Variants in PTPRT observed in about 807,000 individuals in gnomAD.
PTPRT encodes the protein receptor-type tyrosine-protein phosphatase T.
A neutral mutation model predicts 176.8 loss-of-function variants in PTPRT; 56 were observed. The observed-to-expected ratio is 0.32, with a 90% confidence interval of 0.26 to 0.40. PTPRT has a LOEUF of 0.40. Ranked by LOEUF, PTPRT falls within the 10% of genes least tolerant of loss-of-function variation. The pLI is 1.00. For synonymous variants in PTPRT, 783 were observed against 739.0 expected (o/e 1.06, Z -0.96); for missense variants, 1,540 against 1,908.2 (o/e 0.81, Z 3.60).
rs724159850 is a variant in PTPRT, at chr20:42,102,113, G to A, written c.3714+11C>T. 4.4e-6 allele frequency: 7 copies of A among 1,603,856 alleles called. No homozygotes were observed. Among genetic ancestry groups the A allele is most frequent in the Non-Finnish European group, 6.0e-6 (7 of 1,171,596 alleles). On this transcript the variant is annotated intron_variant, in intron 26 of 30. Coordinates refer to ENST00000373187, the MANE Select transcript of PTPRT (RefSeq NM_007050.6). Reference sequence around the variant, plus strand: ...TGCCAGCTAGGAGCTTTCTGCCCGGGCTCGGCTTACATCCATCAGTGCTGC... The same window carrying A: ...TGCCAGCTAGGAGCTTTCTGCCCGGACTCGGCTTACATCCATCAGTGCTGC...
intron 1 of PTPRT, among the ~76,000 whole-genome samples, chr20:43,187,882 T>C (rs565755542): frequency 6.6e-6 from 1 of 152,234 alleles, no homozygotes; most frequent in Non-Finnish European, 1.5e-5. Flanking sequence ...ATTCCTGATA[T>C]GAAAGCAACC....
intron 1 of PTPRT, among the ~76,000 whole-genome samples, chr20:42,935,785 T>C (rs1278586317): frequency 6.6e-6 from 1 of 152,218 alleles, no homozygotes; most frequent in Admixed American, 6.5e-5. Context: ...GTTTTGCTCT[T>C]GTTGCCCAGG....
rs113468365 is a variant in PTPRT, at chr20:42,222,986, T to C, written c.2342+13243A>G. Among the ~76,000 whole-genome samples, 45 of 152,204 alleles carry C rather than the reference T, an allele frequency of 3.0e-4. 2 individuals are homozygous for C. The highest frequency in any genetic ancestry group is 1.0e-3 in the African/African-American group (42 of 41,520). ...ACACTATCTCCAGGTAGGAACTGAA[T>C]TGTAGGACACCCAGCTGGTGTCCGC... On this transcript the variant is annotated intron_variant, in intron 15 of 30. Coordinates refer to ENST00000373187, the MANE Select transcript of PTPRT (RefSeq NM_007050.6).
intron 1 of PTPRT, among the ~76,000 whole-genome samples, chr20:43,040,111 G>A: frequency 6.6e-6 from 1 of 152,078 alleles, no homozygotes; most frequent in East Asian, 1.9e-4. Context: ...AGAAAAATGT[G>A]CAGAGTATAA....
chr20:42,061,227 C>A, the PTPRT span, among the ~76,000 whole-genome samples: 1 of 152,156 alleles, frequency 6.6e-6, no homozygotes, highest in East Asian at 1.9e-4. Context: ...CGGTGATCCA[C>A]ATGTCCTTCA....
At chr20:42,426,319 A>G (rs752584422) in intron 9 of PTPRT, among the ~76,000 whole-genome samples, 12 of 152,122 alleles carry the variant, frequency 7.9e-5, no homozygotes, top group Admixed American at 7.2e-4. Context: ...AGAGAAGAGA[A>G]GGAGCATCCA....
chr20:42,184,597 CTTCTTCTTCTTCTT>C (rs1568652530), intron 16 of PTPRT, among the ~76,000 whole-genome samples: 76 of 144,584 alleles, frequency 5.3e-4, no homozygotes, highest in African/African-American at 1.8e-3. Flanking sequence ...TCTTCTTCCT[CTTCTTCTTCTTCTT>C]CTTCTCCTCC....
intron 7 of PTPRT, among the ~76,000 whole-genome samples, chr20:42,500,408 A>G (rs1446874415): frequency 2.0e-5 from 3 of 152,118 alleles, no homozygotes; most frequent in Non-Finnish European, 4.4e-5. Flanking sequence ...AATGACTTGT[A>G]TACTGATCTA....
At chr20:42,650,587 G>C (rs982279675) in intron 7 of PTPRT, among the ~76,000 whole-genome samples, 1 of 152,166 alleles carries the variant, frequency 6.6e-6, no homozygotes, top group Non-Finnish European at 1.5e-5. Context: ...GGCAGACACA[G>C]TCACAGAGGC....
intron 8 of PTPRT, among the ~76,000 whole-genome samples, chr20:42,470,625 A>AT (rs1458797782): frequency 3.3e-5 from 5 of 152,088 alleles, no homozygotes; most frequent in Admixed American, 6.6e-5. Flanking sequence ...GAACTGGCGA[A>AT]TTCTATGCTA....
intron 1 of PTPRT, among the ~76,000 whole-genome samples, chr20:42,958,998 A>G (rs1036160829): frequency 3.3e-5 from 5 of 152,320 alleles, no homozygotes; most frequent in Admixed American, 3.3e-4. Flanking sequence ...TAAATGTTTC[A>G]GTTCACCCAG....
chr20:43,047,821 A>G (rs934749567), intron 1 of PTPRT, among the ~76,000 whole-genome samples: 53 of 152,272 alleles, frequency 3.5e-4, no homozygotes, highest in South Asian at 2.1e-4. Flanking sequence ...ACTCCATAAA[A>G]TAGGGGTTCT....
At chr20:43,168,011 C>A (rs2014899809) in intron 1 of PTPRT, among the ~76,000 whole-genome samples, 1 of 152,216 alleles carries the variant, frequency 6.6e-6, no homozygotes. Context: ...AAGTGGCTAA[C>A]TTTGTGGTAA....
intron 27 of PTPRT, among the ~76,000 whole-genome samples, chr20:42,094,089 G>A (rs755744316): frequency 9.2e-5 from 14 of 152,202 alleles, no homozygotes; most frequent in Non-Finnish European, 1.9e-4. Context: ...TATAGCCAAT[G>A]ACCTTGACCT....
intron 7 of PTPRT, among the ~76,000 whole-genome samples, chr20:42,513,271 C>T (rs144811419): frequency 6.6e-6 from 1 of 151,068 alleles, no homozygotes; most frequent in Non-Finnish European, 1.5e-5. Context: ...GGCCAATTAC[C>T]CCCCTAGCTT....
intron 1 of PTPRT, among the ~76,000 whole-genome samples, chr20:43,127,156 G>A (rs1176867624): frequency 6.6e-6 from 1 of 152,080 alleles, no homozygotes; most frequent in Non-Finnish European, 1.5e-5. Flanking sequence ...GGGCGCGGTG[G>A]CTCACACCTG....
chr20:42,739,614 A>T (rs539045709), intron 6 of PTPRT, among the ~76,000 whole-genome samples: 1 of 152,348 alleles, frequency 6.6e-6, no homozygotes, highest in East Asian at 1.9e-4. Flanking sequence ...AGAGAAGCTG[A>T]GAGGGACTGA....
intron 2 of PTPRT, among the ~76,000 whole-genome samples, chr20:42,805,281 A>T (rs1300237546): frequency 6.6e-6 from 1 of 152,194 alleles, no homozygotes; most frequent in Non-Finnish European, 1.5e-5. Context: ...CCAAGGAGTT[A>T]TGGCATTTAC....
intron 27 of PTPRT, among the ~76,000 whole-genome samples, chr20:42,095,172 A>G (rs1985072552): frequency 6.6e-6 from 1 of 152,096 alleles, no homozygotes; most frequent in African/African-American, 2.4e-5. Context: ...CTCTGCTTCC[A>G]TTTCAGAAAC....
Sources: gnomAD v4.1 joint callset for allele counts (sites outside exome capture counted in the v4.1 genomes callset) on GRCh38, gnomAD v4.1.1 for gene constraint, MANE v1.5 for transcripts, NCBI Gene and HGNC (gene_info 2026-07-23, HGNC 2026-07-21) for gene names.